The following MTMR6 variants were observed in gnomAD, a reference collection of about 807,000 sequenced individuals.
MTMR6 encodes myotubularin related protein 6.
MTMR6 carries 47 observed loss-of-function variants against 80.1 expected under a neutral mutation model. The observed-to-expected ratio is 0.59, with a 90% CI of 0.46 to 0.75. MTMR6 has a LOEUF of 0.75. Ranked by LOEUF, MTMR6 falls within the 30% of genes least tolerant of loss-of-function variation. The pLI, the probability that MTMR6 is intolerant of heterozygous loss-of-function variation, is 0.00. For synonymous variants in MTMR6, 254 were observed against 253.0 expected (o/e 1.00, Z -0.04); for missense variants, 629 against 730.9 (o/e 0.86, Z 1.61).
intron 1 of MTMR6, among the ~76,000 whole-genome samples, chr13:25,274,973 C>CACACACACACACAA (rs1566042753): frequency 2.2e-5 from 3 of 139,014 alleles, no homozygotes; most frequent in Non-Finnish European, 4.5e-5. Context: ...CACACACACA[C>CACACACACACACAA]ACACACACAC....
At chr13:25,281,204 G>A (rs145876285) in intron 1 of MTMR6, among the ~76,000 whole-genome samples, 1 of 152,272 alleles carries the variant, frequency 6.6e-6, no homozygotes, top group African/African-American at 2.4e-5. Context: ...AGGCATGGTG[G>A]CATGCTCCTG....
chr13:25,253,667 A>G, intron 11 of MTMR6, 97 bp downstream of exon 11: 1 of 1,085,970 alleles, frequency 9.2e-7, no homozygotes, highest in Non-Finnish European at 1.3e-6. Flanking sequence ...ATAAACTTTC[A>G]AATTGTCAAG....
chr13:25,253,945 C>A lies in MTMR6; in HGVS notation c.1165G>T (p.Asp389Tyr), dbSNP rs1303659495. ...AACACTGGTGAGACTTCCTTTGGGT[C>A]ACCATCCAACTGGCCACACCTAACC... ...FSERCGQLDG[D>Y]PKEVSPVFTQ... Residue 389 changes from aspartate to tyrosine, a missense_variant, in exon 11 of 14, where the codon GAC (aspartate) becomes TAC (tyrosine). Physicochemically the swap from Asp to Tyr is radical, Grantham distance 160. Coordinates refer to ENST00000381801, the MANE Select transcript of MTMR6 (RefSeq NM_004685.5). 6.2e-7 allele frequency: 1 copy of A among 1,614,104 alleles called. No homozygotes were observed. The highest frequency in any genetic ancestry group is 1.1e-5 in the South Asian group (1 of 91,060).
intron 6 of MTMR6, among the ~76,000 whole-genome samples, chr13:25,260,273 A>G (rs1957304644): frequency 6.6e-6 from 1 of 150,718 alleles, no homozygotes; most frequent in Non-Finnish European, 1.5e-5. Flanking sequence ...GGTTCAAGTG[A>G]TTCTCCTGCC....
chr13:25,257,766 A>G lies in MTMR6; in HGVS notation c.939T>C (p.Ala313=), dbSNP rs1332427735. ...ESSGWLRHIK[A]VMDAAIFLAK... is the part of the protein sequence containing the mutation. ...CCAAGAAGATTGCAGCATCCATAAC[A>G]GCTTTGATATGGCGAAGCCATCCCG... Residue 313 remains alanine, a synonymous_variant, in exon 8 of 14, where the codon GCT becomes GCC. Coordinates refer to ENST00000381801, the MANE Select transcript of MTMR6 (RefSeq NM_004685.5). 1.2e-6 allele frequency: 2 copies of G among 1,613,800 alleles called. No individual in the cohort carries two copies. The highest frequency in any genetic ancestry group is 1.7e-4 in the Middle Eastern group (1 of 6,058).
intron 1 of MTMR6, among the ~76,000 whole-genome samples, chr13:25,281,684 T>C (rs1957850000): frequency 6.6e-6 from 1 of 152,180 alleles, no homozygotes; most frequent in Non-Finnish European, 1.5e-5. Flanking sequence ...GTCGCACTCC[T>C]TCCCTATAGC....
chr13:25,250,160 T>C (rs1055194035), intron 13 of MTMR6, among the ~76,000 whole-genome samples: 6 of 152,110 alleles, frequency 3.9e-5, no homozygotes, highest in African/African-American at 1.4e-4. Flanking sequence ...GCCTGAGAGG[T>C]AGATGAGACA....
At position 25,257,761 on chromosome 13, in the gene MTMR6, A is replaced by G. The variant is rs756002800; in HGVS notation, c.944T>C (p.Met315Thr). 3 of 1,613,572 alleles carry G rather than the reference A, an allele frequency of 1.9e-6. No individual in the cohort carries two copies. The highest frequency in any genetic ancestry group is 2.5e-6 in the Non-Finnish European group (3 of 1,179,568). The change falls in exon 8 of 14, where the codon ATG (methionine) becomes ACG (threonine). Residue 315 changes from methionine to threonine, a missense_variant. Coordinates refer to ENST00000381801, the MANE Select transcript of MTMR6 (RefSeq NM_004685.5). ...TTTGGCCAAGAAGATTGCAGCATCC[A>G]TAACAGCTTTGATATGGCGAAGCCA... The part of the protein sequence containing the change: ...SGWLRHIKAV[M>T]DAAIFLAKAI...
At chr13:25,266,618 C>T (rs986266090) in intron 3 of MTMR6, among the ~76,000 whole-genome samples, 1 of 152,110 alleles carries the variant, frequency 6.6e-6, no homozygotes, top group Non-Finnish European at 1.5e-5. Flanking sequence ...ATCACTTTCC[C>T]AAATGAGATG....
intron 1 of MTMR6, among the ~76,000 whole-genome samples, chr13:25,276,309 C>T (rs1397376442): frequency 6.6e-6 from 1 of 152,214 alleles, no homozygotes; most frequent in Non-Finnish European, 1.5e-5. Flanking sequence ...AAAGTATCAA[C>T]ACTACTCAAG....
At chr13:25,266,759 T>A (rs1003857593) in intron 3 of MTMR6, among the ~76,000 whole-genome samples, 2 of 152,222 alleles carry the variant, frequency 1.3e-5, no homozygotes, top group Admixed American at 6.5e-5. Flanking sequence ...TGCTTCAGAA[T>A]CATCCTTACT....
chr13:25,265,907 A>G lies in MTMR6; in HGVS notation c.503T>C (p.Ile168Thr), dbSNP rs1957444530. 2 of 1,613,996 alleles carry G rather than the reference A, an allele frequency of 1.2e-6. No homozygotes were observed. The highest frequency in any genetic ancestry group is 1.3e-5 in the African/African-American group (1 of 74,924). The change falls in exon 5 of 14, where the codon ATA becomes ACA. Residue 168 changes from isoleucine to threonine, a missense_variant. By Grantham distance (89) the Ile-to-Thr change is moderately conservative. Coordinates refer to ENST00000381801, the MANE Select transcript of MTMR6 (RefSeq NM_004685.5). The part of the protein sequence containing the change: ...TYPRELYVPR[I>T]ASKPIIVGSS... ...ACCAACAATTATTGGTTTGCTTGCT[A>G]TCCGGGGAACATAAAGTTCTCTGGG...
chr13:25,251,731 G>C lies in MTMR6; in HGVS notation c.1523C>G (p.Pro508Arg), dbSNP rs1957092887. Residue 508 changes from proline to arginine, a missense_variant, in exon 13 of 14, where the codon CCT becomes CGT. Physicochemically the swap from Pro to Arg is moderately radical, Grantham distance 103. Transcript: ENST00000381801. This position sits in a 1 kb window ranked among gnomAD's most constrained non-coding sequence, Gnocchi z 4.1. ...MYHQFDRTLH[P>R]RQSVFNIIMN... ...AATTATATTAAATACAGACTGCCTA[G>C]GATGCAGTGTTCGATCAAATTGATG... The C allele has an allele frequency of 1.3e-6, 2 of 1,596,414 alleles. No individual in the cohort carries two copies. The highest frequency in any genetic ancestry group is 1.7e-4 in the Middle Eastern group (1 of 5,874).
rs970226806 is a variant in MTMR6, at chr13:25,246,748, G to A, written c.*2484C>T. The A allele has an allele frequency of 6.6e-6, 1 of 152,540 alleles. No homozygotes were observed. The highest frequency in any genetic ancestry group is 2.1e-4 in the South Asian group (1 of 4,830). The allele number at this position is 152,540 out of a possible 1,614,324, so 9.4% of individuals were successfully genotyped here. On this transcript the variant is annotated 3_prime_UTR_variant, in exon 14 of 14. Coordinates refer to ENST00000381801, the MANE Select transcript of MTMR6 (RefSeq NM_004685.5). ...ACACCACCTCCCTGCTCTGCTACCC[G>A]ACCAAATAAATTGAATTTGTTTTAA...
In MTMR6 at chr13:25,267,912, C is replaced by T. The variant is rs760621615; in HGVS notation, c.171G>A (p.Glu57=). Residue 57 remains glutamate, a synonymous_variant, in exon 3 of 14, where the codon GAG becomes GAA. Coordinates refer to ENST00000381801, the MANE Select transcript of MTMR6 (RefSeq NM_004685.5). ...ATCCAGAAGTAGTCAAAGCAAGTTT[C>T]TCTACTGAGGCAATATGGTGGTGTA... ...WILHHHIASV[E]KLALTTSGCP... 3.1e-6 allele frequency: 5 copies of T among 1,611,782 alleles called. No individual in the cohort carries two copies. Among genetic ancestry groups the T allele is most frequent in the Admixed American group, 3.4e-5 (2 of 59,700 alleles).
intron 3 of MTMR6, among the ~76,000 whole-genome samples, chr13:25,267,265 AG>A (rs1268636371): frequency 2.0e-5 from 3 of 150,842 alleles, no homozygotes; most frequent in Admixed American, 6.6e-5. Flanking sequence ...AAAAAAAAAA[AG>A]GTTCTTCTTT....
At chr13:25,249,812 A>G (rs1300329803) in intron 13 of MTMR6, among the ~76,000 whole-genome samples, 1 of 152,186 alleles carries the variant, frequency 6.6e-6, no homozygotes, top group Non-Finnish European at 1.5e-5. Context: ...CATTTATAAT[A>G]AAAGAAATGT....
At chr13:25,270,362 C>G (rs1353455407) in intron 2 of MTMR6, among the ~76,000 whole-genome samples, 1 of 152,132 alleles carries the variant, frequency 6.6e-6, no homozygotes, top group African/African-American at 2.4e-5. Flanking sequence ...GTATATTAAA[C>G]AAACTTCATT....
rs1957347210 is a variant in MTMR6 at position 25,261,717 on chromosome 13, T to C, written c.677A>G (p.Lys226Arg). The C allele has an allele frequency of 6.2e-7, 1 of 1,613,774 alleles. No homozygotes were observed. Among genetic ancestry groups the C allele is most frequent in the Admixed American group, 1.7e-5 (1 of 59,984 alleles). ...CATATAGCGATTGACTGGATTGGCT[T>C]TACTAATGGCTTGAAGCAAATGTTC... ...EDEHLLQAIS[K>R]ANPVNRYMYV... is the part of the protein sequence containing the mutation. Residue 226 changes from lysine (K) to arginine (R), a missense_variant, in exon 6 of 14, where the codon AAA becomes AGA. By Grantham distance (26) the Lys-to-Arg change is conservative. Transcript: ENST00000381801.
Sources: gnomAD v4.1 joint callset for allele counts (sites outside exome capture counted in the v4.1 genomes callset) on GRCh38, gnomAD v4.1.1 for gene constraint, Gnocchi (gnomAD v3.1) non-coding constraint, MANE v1.5 for transcripts, NCBI Gene and HGNC (gene_info 2026-07-23, HGNC 2026-07-21) for gene names.